The following MGLL variants were observed in gnomAD, a reference collection of about 807,000 sequenced individuals.
The protein encoded by MGLL is monoglyceride lipase, also known as lysophospholipase homolog.
MGLL carries 7 observed loss-of-function variants against 29.1 expected under a neutral mutation model. That is an observed-to-expected ratio of 0.24 (90% CI 0.14 to 0.45). The LOEUF (loss-of-function observed/expected upper bound fraction) is 0.45, where lower values mean the gene tolerates loss of function less well. Among genes scored for constraint, MGLL ranks in the 20% least tolerant of loss-of-function variants. The probability of loss-of-function intolerance (pLI) is 0.99; values close to 1 mark genes in which losing one functional copy is unlikely to be tolerated. For missense variants in MGLL, 356 were observed against 413.6 expected (o/e 0.86, Z 1.21); for synonymous variants, 148 against 168.3 (o/e 0.88, Z 0.93).
chr3:127,725,972 T>C lies in MGLL; in HGVS notation c.263-3406A>G, dbSNP rs140202798. On this transcript the variant is annotated intron_variant, in intron 3 of 7. Coordinates refer to ENST00000265052, the MANE Select transcript of MGLL (RefSeq NM_007283.7). ...GGTGCACACCTGTAATCCTAGCTAC[T>C]TGGGATCACTGGAGCCCATGAGGTT... Among the ~76,000 whole-genome samples, 58 of 151,658 alleles carry C rather than the reference T, an allele frequency of 3.8e-4. 1 individual carries two copies. In the East Asian group the frequency reaches 0.011, roughly 29 times the overall value.
intron 3 of MGLL, among the ~76,000 whole-genome samples, chr3:127,750,312 A>G (rs111951822): frequency 0.023 from 3,437 of 152,184 alleles, 145 homozygotes; most frequent in African/African-American, 0.078. Flanking sequence ...TGGGCTAGGA[A>G]CTGAGATCCA....
intron 2 of MGLL, among the ~76,000 whole-genome samples, chr3:127,810,475 C>A (rs1277567590): frequency 2.0e-5 from 3 of 152,178 alleles, no homozygotes; most frequent in Admixed American, 1.3e-4. Flanking sequence ...TGATTCCCTT[C>A]GGCCCAGAAT....
intron 7 of MGLL, among the ~76,000 whole-genome samples, chr3:127,694,090 T>C (rs1033809128): frequency 2.0e-5 from 3 of 151,820 alleles, no homozygotes; most frequent in Non-Finnish European, 4.4e-5. Context: ...GTCAACATGA[T>C]GAAACCCCAT....
chr3:127,771,436 C>G (rs538827941), intron 3 of MGLL, among the ~76,000 whole-genome samples: 2 of 152,318 alleles, frequency 1.3e-5, no homozygotes, highest in South Asian at 4.2e-4. Context: ...GCAGCCTTGA[C>G]CTCCTGGGTT....
rs541106630 is a variant in MGLL, at chr3:127,781,108, T to C, written c.262+681A>G. Reference sequence around the variant, plus strand: ...TGATTGTGTATGGATGGTATGTTTATGTATGCATGTATATGTCTATATGTA... The same window carrying C: ...TGATTGTGTATGGATGGTATGTTTACGTATGCATGTATATGTCTATATGTA... On this transcript the variant is annotated intron_variant, in intron 3 of 7. Transcript: ENST00000265052. Among the ~76,000 whole-genome samples the C allele has an allele frequency of 2.6e-5, 4 of 152,278 alleles. No homozygotes were observed. The East Asian group carries it at 5.8e-4, about 22-fold the overall frequency.
chr3:127,821,785 G>T lies in MGLL; in HGVS notation c.64C>A (p.Gln22Lys), dbSNP rs765880451. The T allele has an allele frequency of 6.2e-7, 1 of 1,614,168 alleles. No individual in the cohort carries two copies. The highest frequency in any genetic ancestry group is 2.2e-5 in the East Asian group (1 of 44,878). Residue 22 changes from glutamine (Q) to lysine (K), a missense_variant, in exon 2 of 8, where the codon CAG becomes AAG. Physicochemically the swap from Gln to Lys is moderately conservative, Grantham distance 53. Transcript: ENST00000265052. Reference protein sequence around the residue: ...PEESSPRRTPQSIPYQDLPHL... With the variant: ...PEESSPRRTPKSIPYQDLPHL... ...GGGAGGTCCTGGTAGGGAATGCTCT[G>T]CGGGGTCCGCCTGGGGGAACTTTCC...
intron 6 of MGLL, among the ~76,000 whole-genome samples, chr3:127,708,036 C>T (rs568819511): frequency 4.6e-5 from 7 of 152,336 alleles, no homozygotes; most frequent in African/African-American, 1.7e-4. Flanking sequence ...GCCAGTGGCC[C>T]ATCCCCCATA....
chr3:127,727,718 A>AG (rs1485705501), intron 3 of MGLL, among the ~76,000 whole-genome samples: 2 of 151,650 alleles, frequency 1.3e-5, no homozygotes, highest in African/African-American at 4.8e-5. Context: ...AAAAAAAAAA[A>AG]AAAAAAAAAA....
At chr3:127,729,204 T>C (rs10512693) in intron 3 of MGLL, among the ~76,000 whole-genome samples, 52,134 of 151,976 alleles carry the variant, frequency 0.34, 10,044 homozygotes, top group Non-Finnish European at 0.44. Context: ...ATTTTGATTC[T>C]TGGTGATAAA....
At chr3:127,788,469 A>G (rs1288437522) in intron 2 of MGLL, among the ~76,000 whole-genome samples, 2 of 152,138 alleles carry the variant, frequency 1.3e-5, no homozygotes, top group Non-Finnish European at 2.9e-5. Context: ...TAATTAAATA[A>G]TAAGACAACA....
chr3:127,748,394 GAGAGAGAGAGAGAA>G (rs1369195808), intron 3 of MGLL, among the ~76,000 whole-genome samples: 1 of 149,596 alleles, frequency 6.7e-6, no homozygotes, highest in Non-Finnish European at 1.5e-5. Context: ...GGGAGGGAGG[GAGAGAGAGAGAGAA>G]AGAGAGAGAG....
At chr3:127,764,987 G>C (rs950659312) in intron 3 of MGLL, among the ~76,000 whole-genome samples, 6 of 152,152 alleles carry the variant, frequency 3.9e-5, no homozygotes, top group African/African-American at 1.2e-4. Flanking sequence ...GAGTCACATA[G>C]CAAATAAGTG....
chr3:127,719,692 G>A (rs561673493), intron 5 of MGLL, among the ~76,000 whole-genome samples: 3 of 152,176 alleles, frequency 2.0e-5, no homozygotes, highest in South Asian at 2.1e-4. Context: ...CCAATCGCAC[G>A]TTTCAATGAT....
intron 3 of MGLL, among the ~76,000 whole-genome samples, chr3:127,736,599 G>C (rs1181713224): frequency 6.6e-6 from 1 of 152,240 alleles, no homozygotes; most frequent in Non-Finnish European, 1.5e-5. Context: ...TGAAGGCAAA[G>C]AGAAAAGAGC....
chr3:127,764,101 T>C (rs1355706915), intron 3 of MGLL, among the ~76,000 whole-genome samples: 1 of 152,186 alleles, frequency 6.6e-6, no homozygotes, highest in Non-Finnish European at 1.5e-5. Context: ...TGCCTGATGC[T>C]GAAGTTGCCT....
At chr3:127,697,263 G>A (rs2075387080) in intron 6 of MGLL, among the ~76,000 whole-genome samples, 1 of 152,248 alleles carries the variant, frequency 6.6e-6, no homozygotes, top group Non-Finnish European at 1.5e-5. Context: ...AAGAGCCTGG[G>A]GCTTGGAGTC....
At chr3:127,701,639 A>T (rs116443651) in intron 6 of MGLL, among the ~76,000 whole-genome samples, 5,105 of 152,100 alleles carry the variant, frequency 0.034, 286 homozygotes, top group African/African-American at 0.12. Context: ...ATGTCCCCTC[A>T]GCCTTCAGAC....
intron 2 of MGLL, among the ~76,000 whole-genome samples, chr3:127,813,657 C>T (rs1256327418): frequency 6.6e-6 from 1 of 152,188 alleles, no homozygotes. Context: ...GCCTGAGAAA[C>T]TCCTTTCATC....
At chr3:127,791,091 G>A (rs1005278692) in intron 2 of MGLL, 2 of 152,244 alleles carry the variant, frequency 1.3e-5, no homozygotes, top group African/African-American at 4.8e-5. Context: ...CAGCGTCTGA[G>A]GAGGCTTCCT....
Sources: allele counts gnomAD v4.1 joint callset (sites outside exome capture counted in the v4.1 genomes callset), GRCh38; gene constraint gnomAD v4.1.1; transcripts MANE v1.5; gene names NCBI Gene and HGNC (gene_info 2026-07-23, HGNC 2026-07-21).